The following CSNK1A1 variants were observed in gnomAD, a reference collection of about 807,000 sequenced individuals.
CSNK1A1 encodes casein kinase I isoform alpha.
A neutral mutation model predicts 46.1 loss-of-function variants in CSNK1A1; 7 were observed. The ratio of observed to expected loss-of-function variants is 0.15; its 90% CI spans 0.09 to 0.29. The LOEUF (loss-of-function observed/expected upper bound fraction) is 0.29. CSNK1A1 is among the 10% of genes least tolerant of loss of function. The probability of loss-of-function intolerance (pLI) is 1.00; values close to 1 mark genes in which losing one functional copy is unlikely to be tolerated. For missense variants in CSNK1A1, 96 were observed against 417.1 expected (o/e 0.23, Z 6.71); for synonymous variants, 137 against 141.5 (o/e 0.97, Z 0.23).
At chr5:149,497,759 C>A in intron 9 of CSNK1A1, 1 of 985,456 alleles carries the variant, frequency 1.0e-6, no homozygotes, top group Middle Eastern at 5.2e-4. Context: ...CTCATTCTAG[C>A]CCACTCCAAT....
rs1403794078 is a variant in CSNK1A1, at chr5:149,495,119, CTT to C, written c.*1732_*1733del. 1.3e-5 allele frequency: 2 copies of C among 152,120 alleles called. No individual in the cohort carries two copies. The highest frequency in any genetic ancestry group is 3.9e-4 in the East Asian group (2 of 5,174). The allele number at this position is 152,120 out of a possible 1,614,324, so 9.4% of individuals were successfully genotyped here. A position where few individuals can be genotyped will look rare whatever the true frequency, so the allele number is the denominator to read the frequency against. On this transcript the variant is annotated 3_prime_UTR_variant, in exon 10 of 10. Coordinates refer to ENST00000377843, the MANE Select transcript of CSNK1A1 (RefSeq NM_001892.6). ...AAGCTGCCTACCCCAGAAGTTCAGACTTAATAAAATTTCTTCAGTATTACGGT... is the reference window on the plus strand; with the variant it reads ...AAGCTGCCTACCCCAGAAGTTCAGACAATAAAATTTCTTCAGTATTACGGT...
At position 149,496,759 on chromosome 5, in the gene CSNK1A1, G is replaced by C. The variant is rs1383909912; in HGVS notation, c.*94C>G. ...AGTAAATGGTTGTCCACAACCACTG[G>C]CTAGTGTACATATGAACTAAAATTT... On this transcript the variant is annotated 3_prime_UTR_variant, in exon 10 of 10. Coordinates refer to ENST00000377843, the MANE Select transcript of CSNK1A1 (RefSeq NM_001892.6). 1 of 1,495,046 alleles carries C rather than the reference G, an allele frequency of 6.7e-7. No homozygotes were observed. The highest frequency in any genetic ancestry group is 2.5e-5 in the Admixed American group (1 of 40,132). The allele number at this position is 1,495,046 out of a possible 1,614,324, so 92.6% of individuals were successfully genotyped here. A position where few individuals can be genotyped will look rare whatever the true frequency, so the allele number is the denominator to read the frequency against.
At chr5:149,534,482 C>CAAAAAAAAAAAAAAAAA (rs10597922) in intron 2 of CSNK1A1, among the ~76,000 whole-genome samples, 1 of 94,986 alleles carries the variant, frequency 1.1e-5, no homozygotes, top group African/African-American at 4.2e-5. Flanking sequence ...GACTCTGTCT[C>CAAAAAAAAAAAAAAAAA]AAAAAAAAAA....
At chr5:149,549,334 GTAAT>G (rs1323191304) in intron 2 of CSNK1A1, 1 of 614,954 alleles carries the variant, frequency 1.6e-6, no homozygotes, top group Non-Finnish European at 3.0e-6. Context: ...AAAAGAAAGA[GTAAT>G]TAACACTTTT....
chr5:149,506,393 C>T (rs1170179245), intron 8 of CSNK1A1, among the ~76,000 whole-genome samples: 3 of 151,966 alleles, frequency 2.0e-5, no homozygotes, highest in African/African-American at 7.3e-5. Flanking sequence ...AGCACCACCT[C>T]ACCCGGCTAA....
At chr5:149,505,888 G>C (rs1227617212) in intron 8 of CSNK1A1, among the ~76,000 whole-genome samples, 1 of 152,058 alleles carries the variant, frequency 6.6e-6, no homozygotes, top group African/African-American at 2.4e-5. Context: ...ACTGGTACCT[G>C]GGGAAGACAC....
chr5:149,528,112 T>C (rs1007558401), intron 2 of CSNK1A1, among the ~76,000 whole-genome samples: 1 of 152,196 alleles, frequency 6.6e-6, no homozygotes, highest in South Asian at 2.1e-4. Flanking sequence ...ACTCCCTTAA[T>C]AGTTAGAAAC....
At chr5:149,541,309 T>C (rs769351164) in intron 2 of CSNK1A1, among the ~76,000 whole-genome samples, 10 of 151,652 alleles carry the variant, frequency 6.6e-5, no homozygotes, top group African/African-American at 1.9e-4. Context: ...CCTGCCACCA[T>C]GGCCAGCTAA....
chr5:149,550,259 C>A lies in CSNK1A1; in HGVS notation c.124-78G>T. Reference sequence around the variant, plus strand: ...ACTTAGGAAAGGAGGGAGACATTAGCAAAACTCCAAGTCGCGACTACAAGA... The same window carrying A: ...ACTTAGGAAAGGAGGGAGACATTAGAAAAACTCCAAGTCGCGACTACAAGA... On this transcript the variant is annotated intron_variant, in intron 1 of 9. Transcript: ENST00000377843. This position sits in a 1 kb window ranked among gnomAD's most constrained non-coding sequence, Gnocchi z 4.3. 1 of 1,538,086 alleles carries A rather than the reference C, an allele frequency of 6.5e-7. No individual in the cohort carries two copies. The highest frequency in any genetic ancestry group is 8.8e-7 in the Non-Finnish European group (1 of 1,142,178).
Position 149,498,405 on chromosome 5 carries a change from G to A in CSNK1A1, c.1007-1545C>T, listed in dbSNP as rs139633345. The A allele has an allele frequency of 5.4e-5, 53 of 985,290 alleles. No individual in the cohort carries two copies. In the African/African-American group the frequency reaches 8.2e-4, roughly 15 times the overall value. The allele number at this position is 985,290 out of a possible 1,614,324, so 61.0% of individuals were successfully genotyped here. A position where few individuals can be genotyped will look rare whatever the true frequency, so the allele number is the denominator to read the frequency against. ...ATGCATGTTATTAAGAAGTATTAGCGAGGTAAACCTTTCTTTTAAAGGTTG... is the reference window on the plus strand; with the variant it reads ...ATGCATGTTATTAAGAAGTATTAGCAAGGTAAACCTTTCTTTTAAAGGTTG... On this transcript the variant is annotated intron_variant, in intron 9 of 9. Transcript: ENST00000377843.
Position 149,551,316 on chromosome 5 carries a change from G to T in CSNK1A1, c.-352C>A. On this transcript the variant is annotated 5_prime_UTR_variant, in exon 1 of 10. Transcript: ENST00000377843. ...CGATACCGCTGCCACCACTGCCGCC[G>T]GCTCCGGCCCAGAGGGACCCCTGTC... 1 of 246,886 alleles carries T rather than the reference G, an allele frequency of 4.1e-6. No homozygotes were observed. Among genetic ancestry groups the T allele is most frequent in the Non-Finnish European group, 8.1e-6 (1 of 124,194 alleles). 15.3% of individuals were successfully genotyped at this position (246,886 alleles called of 1,614,324 possible).
Position 149,550,839 on chromosome 5 carries a change from T to C in CSNK1A1, c.123+3A>G. The C allele has an allele frequency of 6.2e-7, 1 of 1,613,910 alleles. No individual in the cohort carries two copies. Among genetic ancestry groups the C allele is most frequent in the Non-Finnish European group, 8.5e-7 (1 of 1,179,886 alleles). On this transcript the variant is annotated splice_donor_region_variant and intron_variant, in intron 1 of 9. Transcript: ENST00000377843. The surrounding 1 kb of genome is among the most constrained non-coding windows in gnomAD (Gnocchi z 4.3). ...TATCGTGAACCCCACCCCAGATGAT[T>C]ACCTCGCCGTTGGTGATGTTGATCG... is the stretch of plus-strand genomic sequence containing the variant.
At chr5:149,523,437 C>A (rs2113122777) in intron 3 of CSNK1A1, among the ~76,000 whole-genome samples, 1 of 152,352 alleles carries the variant, frequency 6.6e-6, no homozygotes, top group East Asian at 1.9e-4. Context: ...TAGCCTGGAA[C>A]TCCTGGGCTC....
chr5:149,507,424 T>C (rs1190644511), intron 7 of CSNK1A1, among the ~76,000 whole-genome samples: 1 of 152,102 alleles, frequency 6.6e-6, no homozygotes, highest in Admixed American at 6.6e-5. Context: ...GCCCACTTGT[T>C]AAAACCTGTC....
At chr5:149,512,777 T>C (rs905706269) in intron 5 of CSNK1A1, among the ~76,000 whole-genome samples, 2 of 152,224 alleles carry the variant, frequency 1.3e-5, no homozygotes, top group Non-Finnish European at 2.9e-5. Flanking sequence ...AAAATATATG[T>C]ACTATCTTCA....
chr5:149,516,233 C>T (rs1761397303), intron 4 of CSNK1A1, among the ~76,000 whole-genome samples: 1 of 152,064 alleles, frequency 6.6e-6, no homozygotes, highest in South Asian at 2.1e-4. Flanking sequence ...GACAGAATTG[C>T]TTGAACCTGG....
At chr5:149,532,344 C>CTGT (rs1554116982) in intron 2 of CSNK1A1, among the ~76,000 whole-genome samples, 1 of 151,662 alleles carries the variant, frequency 6.6e-6, no homozygotes, top group African/African-American at 2.4e-5. Flanking sequence ...TGAGATCATA[C>CTGT]TGTTGCACTC....
At chr5:149,518,156 T>C (rs1761454024) in intron 4 of CSNK1A1, among the ~76,000 whole-genome samples, 1 of 152,134 alleles carries the variant, frequency 6.6e-6, no homozygotes. Flanking sequence ...TTTTATATTT[T>C]TAATCAAAAA....
chr5:149,516,642 G>A lies in CSNK1A1; in HGVS notation c.457-3433C>T, dbSNP rs1761413248. On this transcript the variant is annotated intron_variant, in intron 4 of 9. Transcript: ENST00000377843. ...GCTACGAAATGTAAGCAAAATATGT[G>A]AATGGGTAAGTAAAAATGAGGCACT... Among the ~76,000 whole-genome samples the A allele has an allele frequency of 2.0e-5, 3 of 152,026 alleles. No homozygotes were observed. The South Asian group carries it at 6.2e-4, about 32-fold the overall frequency.
Sources: gnomAD v4.1 joint callset for allele counts (sites outside exome capture counted in the v4.1 genomes callset) on GRCh38, gnomAD v4.1.1 for gene constraint, Gnocchi (gnomAD v3.1) non-coding constraint, MANE v1.5 for transcripts, NCBI Gene and HGNC (gene_info 2026-07-23, HGNC 2026-07-21) for gene names.